HSPA12A: variants seen among roughly 807,000 people sequenced by gnomAD.
HSPA12A encodes the protein heat shock protein family A (Hsp70) member 12A.
HSPA12A carries 28 observed loss-of-function variants against 69.2 expected under a neutral mutation model. The observed-to-expected ratio is 0.40, with a 90% CI of 0.30 to 0.55. The LOEUF is 0.55. HSPA12A is among the 20% of genes least tolerant of loss of function. HSPA12A has a pLI of 0.38. For missense variants in HSPA12A, 686 were observed against 900.7 expected (o/e 0.76, Z 3.05); for synonymous variants, 345 against 370.5 (o/e 0.93, Z 0.79).
chr10:116,706,007 G>T (rs996719122), intron 2 of HSPA12A, among the ~76,000 whole-genome samples: 1 of 144,240 alleles, frequency 6.9e-6, no homozygotes, highest in Non-Finnish European at 1.5e-5. Flanking sequence ...GCCCTTCTCC[G>T]CCTCAGCCTC....
chr10:116,711,667 C>CTTTTTTTTTTTTTTTTTTTTTTT, intron 1 of HSPA12A, among the ~76,000 whole-genome samples: 1 of 126,870 alleles, frequency 7.9e-6, no homozygotes, highest in Non-Finnish European at 1.6e-5. Flanking sequence ...CTTTTTTTTT[C>CTTTTTTTTTTTTTTTTTTTTTTT]TTTTTTTTTT....
rs1554876560 is a variant in HSPA12A, at chr10:116,671,254, C to A, written c.*3527G>T. On this transcript the variant is annotated 3_prime_UTR_variant, in exon 12 of 12. Transcript: ENST00000369209. ...GACAAGAGAGTTTGCAGACACAGTC[C>A]CGTCTGGTGGTGAACTGCTGCAAAG... is the stretch of plus-strand genomic sequence containing the variant. 1 of 152,088 alleles carries A rather than the reference C, an allele frequency of 6.6e-6. No individual in the cohort carries two copies. The highest frequency in any genetic ancestry group is 2.4e-5 in the African/African-American group (1 of 41,394). The allele number at this position is 152,088 out of a possible 1,614,324, so 9.4% of individuals were successfully genotyped here.
At position 116,713,606 on chromosome 10, in the gene HSPA12A, CAAG is replaced by C. The variant is rs1564791715; in HGVS notation, c.41-6324_41-6322del. ...AGCGAACTGGGGCAGCTGAGTTTCC[CAAG>C]ACAGGAAAAGCCCCGAGTCCCTGCA... On this transcript the variant is annotated intron_variant, in intron 1 of 11. Transcript: ENST00000369209. Among the ~76,000 whole-genome samples, 6 of 152,016 alleles carry C rather than the reference CAAG, an allele frequency of 3.9e-5. No individual in the cohort carries two copies. In the East Asian group the frequency reaches 1.2e-3, roughly 29 times the overall value.
Position 116,673,684 on chromosome 10 carries a change from T to G in HSPA12A, c.*1097A>C, listed in dbSNP as rs1346263899. The stretch of plus-strand genomic sequence containing the variant: ...AAAAAAACTGACTTAATACATCAAG[T>G]ATAGATCTACAAATTATTTTTAGAG... On this transcript the variant is annotated 3_prime_UTR_variant, in exon 12 of 12. Transcript: ENST00000369209. The G allele has an allele frequency of 5.3e-5, 8 of 152,102 alleles. No individual in the cohort carries two copies. Among genetic ancestry groups the G allele is most frequent in the African/African-American group, 1.7e-4 (7 of 41,398 alleles). 9.4% of individuals were successfully genotyped at this position (152,102 alleles called of 1,614,324 possible).
chr10:116,766,524 A>G lies in HSPA12A; in HGVS notation c.92-59239T>C, dbSNP rs565105494. On this transcript the variant is annotated intron_variant, in intron 2 of 12. Coordinates refer to the HSPA12A transcript ENST00000635765. ...TCTGCCCATCTGCATCTTCAGACAA[A>G]GCTGCCCCACAGCCCTCACAGAGAC... is the stretch of plus-strand genomic sequence containing the variant. 8.5e-5 allele frequency among the ~76,000 whole-genome samples: 13 copies of G among 152,298 alleles called. No individual in the cohort carries two copies. The South Asian group carries it at 2.7e-3, about 32-fold the overall frequency.
intron 5 of HSPA12A, among the ~76,000 whole-genome samples, chr10:116,697,399 C>T (rs1426268761): frequency 1.3e-5 from 2 of 148,372 alleles, no homozygotes; most frequent in Non-Finnish European, 3.0e-5. Context: ...TTTGTGGGGG[C>T]GACCCAAGGG....
intron 2 of HSPA12A, among the ~76,000 whole-genome samples, chr10:116,826,920 T>C (rs1375324537): frequency 1.3e-5 from 2 of 152,194 alleles, no homozygotes; most frequent in Non-Finnish European, 2.9e-5. Flanking sequence ...GTATTCACAT[T>C]TCATATTACA....
At chr10:116,801,465 C>A (rs1187290891) in intron 2 of HSPA12A, among the ~76,000 whole-genome samples, 2 of 152,038 alleles carry the variant, frequency 1.3e-5, no homozygotes, top group Non-Finnish European at 2.9e-5. Flanking sequence ...GTGTTAAGAG[C>A]CCCCATCCCG....
chr10:116,692,295 C>T (rs1849758981), intron 6 of HSPA12A, 56 bp downstream of exon 6: 1 of 1,388,920 alleles, frequency 7.2e-7, no homozygotes, highest in Non-Finnish European at 1.0e-6. Context: ...AGTCACCACC[C>T]TGGACATCTT....
chr10:116,682,763 C>G (rs1236182266), intron 7 of HSPA12A, among the ~76,000 whole-genome samples: 1 of 151,954 alleles, frequency 6.6e-6, no homozygotes, highest in South Asian at 2.1e-4. Flanking sequence ...TGCAGTGGTG[C>G]GATCTCGGCT....
At chr10:116,796,960 T>C (rs1564822777) in intron 2 of HSPA12A, among the ~76,000 whole-genome samples, 1 of 152,170 alleles carries the variant, frequency 6.6e-6, no homozygotes, top group Non-Finnish European at 1.5e-5. Context: ...CCCCCTCCAT[T>C]GCAACGTTTT....
chr10:116,759,510 A>T (rs1417690407), intron 2 of HSPA12A, among the ~76,000 whole-genome samples: 1 of 152,228 alleles, frequency 6.6e-6, no homozygotes, highest in Non-Finnish European at 1.5e-5. Flanking sequence ...AGTTACCTTA[A>T]TTGGTTTAAG....
At chr10:116,784,852 C>T (rs183132769) in intron 2 of HSPA12A, among the ~76,000 whole-genome samples, 6 of 152,230 alleles carry the variant, frequency 3.9e-5, no homozygotes, top group East Asian at 3.9e-4. Flanking sequence ...GAGCCTGTAA[C>T]GCTAACCTCG....
chr10:116,688,315 C>A (rs1398239497), intron 6 of HSPA12A, among the ~76,000 whole-genome samples: 1 of 152,208 alleles, frequency 6.6e-6, no homozygotes, highest in Non-Finnish European at 1.5e-5. Flanking sequence ...CCTGGGGATT[C>A]TACATACAGG....
chr10:116,777,032 C>T (rs115006614), intron 2 of HSPA12A, among the ~76,000 whole-genome samples: 2,253 of 152,316 alleles, frequency 0.015, 64 homozygotes, highest in African/African-American at 0.051. Flanking sequence ...TGTAAGAAAG[C>T]TCCTGGGTGG....
intron 2 of HSPA12A, among the ~76,000 whole-genome samples, chr10:116,779,394 G>C (rs1287224426): frequency 1.3e-5 from 2 of 152,202 alleles, no homozygotes; most frequent in Non-Finnish European, 2.9e-5. Flanking sequence ...CACGGTTGGG[G>C]AGATGAGGGT....
intron 2 of HSPA12A, among the ~76,000 whole-genome samples, chr10:116,823,683 A>G (rs1483814809): frequency 6.6e-6 from 1 of 152,208 alleles, no homozygotes; most frequent in Non-Finnish European, 1.5e-5. Context: ...TGCTGGGACA[A>G]CTGGATATCA....
chr10:116,840,302 T>A (rs1845783545), intron 1 of HSPA12A, among the ~76,000 whole-genome samples: 1 of 152,220 alleles, frequency 6.6e-6, no homozygotes, highest in Non-Finnish European at 1.5e-5. Context: ...TTAAAATGGC[T>A]GTATTTTCAG....
At chr10:116,807,716 G>A (rs1042236563) in intron 2 of HSPA12A, among the ~76,000 whole-genome samples, 3 of 152,194 alleles carry the variant, frequency 2.0e-5, no homozygotes, top group African/African-American at 7.2e-5. Context: ...ACAATACACC[G>A]TGAGTCTGGA....
Sources: allele counts gnomAD v4.1 joint callset (sites outside exome capture counted in the v4.1 genomes callset), GRCh38; gene constraint gnomAD v4.1.1; transcripts MANE v1.5; gene names NCBI Gene and HGNC (gene_info 2026-07-23, HGNC 2026-07-21).